FTO: variants seen among roughly 807,000 people sequenced by gnomAD.
FTO encodes FTO alpha-ketoglutarate dependent dioxygenase.
Under a neutral mutation model 63.9 loss-of-function variants are expected in FTO, and 47 were observed. That is an observed-to-expected ratio of 0.74 (90% CI 0.58 to 0.94). FTO has a LOEUF of 0.94. FTO is among the 40% of genes least tolerant of loss of function. FTO has a pLI of 0.00. For synonymous variants in FTO, 207 were observed against 224.4 expected (o/e 0.92, Z 0.69); for missense variants, 562 against 618.1 (o/e 0.91, Z 0.96).
intron 8 of FTO, among the ~76,000 whole-genome samples, chr16:53,947,539 G>A (rs1599058860): frequency 2.0e-5 from 3 of 150,228 alleles, no homozygotes; most frequent in Non-Finnish European, 2.9e-5. Context: ...TTTCTATCTT[G>A]CAAAAGCCCC....
intron 2 of FTO, among the ~76,000 whole-genome samples, chr16:53,813,566 A>G (rs1485892733): frequency 2.0e-5 from 3 of 152,114 alleles, no homozygotes; most frequent in African/African-American, 7.2e-5. Flanking sequence ...GTAAAAGTAA[A>G]CCTCTTCTCT....
At chr16:53,913,852 G>A (rs1030218014) in intron 7 of FTO, among the ~76,000 whole-genome samples, 3 of 152,100 alleles carry the variant, frequency 2.0e-5, no homozygotes, top group Non-Finnish European at 1.5e-5. Context: ...GGTGGCGCAT[G>A]CCTGTAATCC....
chr16:53,844,511 G>A (rs1774681559), intron 4 of FTO, among the ~76,000 whole-genome samples: 1 of 152,152 alleles, frequency 6.6e-6, no homozygotes, highest in Non-Finnish European at 1.5e-5. Flanking sequence ...CCAGGCTGGA[G>A]TGCAGTGGCA....
chr16:53,719,245 T>G (rs1274540435), intron 1 of FTO, among the ~76,000 whole-genome samples: 3 of 121,116 alleles, frequency 2.5e-5, no homozygotes, highest in Non-Finnish European at 5.2e-5. Context: ...CTTCTTTTTC[T>G]TCTTCTTCTT....
Position 53,967,388 on chromosome 16 carries a change from C to T in FTO, c.1364+33279C>T, listed in dbSNP as rs191398595. 3.9e-5 allele frequency among the ~76,000 whole-genome samples: 6 copies of T among 152,164 alleles called. No individual in the cohort carries two copies. The East Asian group carries it at 1.2e-3, about 29-fold the overall frequency. The stretch of plus-strand genomic sequence containing the variant: ...AGACTCTGAGAACAGGCTGTCTTCT[C>T]CACGGGAAGGGCATGTTAGATGGTG... On this transcript the variant is annotated intron_variant, in intron 8 of 8. Coordinates refer to ENST00000471389, the MANE Select transcript of FTO (RefSeq NM_001080432.3).
chr16:54,097,573 G>A (rs1409562709), intron 8 of FTO, among the ~76,000 whole-genome samples: 7 of 152,174 alleles, frequency 4.6e-5, no homozygotes, highest in Admixed American at 4.6e-4. Flanking sequence ...TCCCTGTTAA[G>A]GAGATACAAT....
intron 7 of FTO, among the ~76,000 whole-genome samples, chr16:53,890,034 G>GC (rs1375068096): frequency 6.6e-6 from 1 of 152,132 alleles, no homozygotes; most frequent in African/African-American, 2.4e-5. Context: ...AGGTGAGGGA[G>GC]CTGGAATCTG....
rs564002826 is a variant in FTO, at chr16:53,815,114, G to A, written c.123+4897G>A. Among the ~76,000 whole-genome samples, 9 of 151,484 alleles carry A rather than the reference G, an allele frequency of 5.9e-5. No homozygotes were observed. The East Asian group carries it at 1.2e-3, about 20-fold the overall frequency. ...GAGAGAGAGAGAGAGAGAGAGGCCC[G>A]GTTATACGAGAACTTATAGTCTGTA... is the stretch of plus-strand genomic sequence containing the variant. On this transcript the variant is annotated intron_variant, in intron 2 of 8. Coordinates refer to ENST00000471389, the MANE Select transcript of FTO (RefSeq NM_001080432.3).
At chr16:53,837,547 C>T (rs2079335208) in intron 3 of FTO, among the ~76,000 whole-genome samples, 3 of 152,068 alleles carry the variant, frequency 2.0e-5, no homozygotes, top group Non-Finnish European at 4.4e-5. Flanking sequence ...TCTAAATTCT[C>T]CATTTTTTCA....
At chr16:54,019,832 T>C (rs1214501924) in intron 8 of FTO, among the ~76,000 whole-genome samples, 2 of 152,182 alleles carry the variant, frequency 1.3e-5, no homozygotes, top group African/African-American at 4.8e-5. Context: ...CTCTTTCCAC[T>C]GCACAGCGTA....
intron 8 of FTO, among the ~76,000 whole-genome samples, chr16:54,079,384 A>G (rs2086084829): frequency 6.6e-6 from 1 of 152,252 alleles, no homozygotes. Context: ...AAGTGAAGCC[A>G]GGGCTGAAGC....
chr16:54,106,109 A>T (rs1326063096), intron 8 of FTO, among the ~76,000 whole-genome samples: 1 of 152,146 alleles, frequency 6.6e-6, no homozygotes, highest in East Asian at 1.9e-4. Flanking sequence ...CTGCTTGCAT[A>T]CCCATAATTA....
At chr16:53,902,034 G>A (rs1266762318) in intron 7 of FTO, among the ~76,000 whole-genome samples, 1 of 152,110 alleles carries the variant, frequency 6.6e-6, no homozygotes, top group South Asian at 2.1e-4. Flanking sequence ...GAGGGTCATT[G>A]CTCCCCTAGA....
chr16:53,981,136 G>A (rs1415989557), intron 8 of FTO: 2 of 152,030 alleles, frequency 1.3e-5, no homozygotes, highest in Non-Finnish European at 2.9e-5. Context: ...ACCAGCCTGG[G>A]CAGCATAGCA....
intron 7 of FTO, 46 bp downstream of exon 7, chr16:53,888,997 A>G (rs555264700): frequency 2.0e-5 from 32 of 1,605,004 alleles, no homozygotes; most frequent in Middle Eastern, 3.3e-4. Flanking sequence ...CTGCTGTGTT[A>G]TACAAATCCT....
chr16:53,986,176 A>G (rs946429879), intron 8 of FTO, among the ~76,000 whole-genome samples: 6 of 152,222 alleles, frequency 3.9e-5, no homozygotes, highest in African/African-American at 7.2e-5. Flanking sequence ...CATAAGTTCA[A>G]TCTTTTTCTC....
At chr16:53,711,354 G>C (rs2075771509) in intron 1 of FTO, 3 of 398,240 alleles carry the variant, frequency 7.5e-6, no homozygotes, top group African/African-American at 6.2e-5. Context: ...TGTGTTCTGT[G>C]GTTCAGATAA....
intron 3 of FTO, among the ~76,000 whole-genome samples, chr16:53,837,577 G>A (rs2079336884): frequency 6.6e-6 from 1 of 152,052 alleles, no homozygotes; most frequent in Non-Finnish European, 1.5e-5. Context: ...TTGCTCCGTG[G>A]CTGAGAAGGA....
intron 1 of FTO, among the ~76,000 whole-genome samples, chr16:53,739,731 TC>T (rs1215964856): frequency 2.6e-5 from 4 of 152,188 alleles, no homozygotes; most frequent in African/African-American, 9.6e-5. Context: ...TATGATTGTA[TC>T]TTTTTTGTCT....
Sources: allele counts gnomAD v4.1 joint callset (sites outside exome capture counted in the v4.1 genomes callset), GRCh38; gene constraint gnomAD v4.1.1; transcripts MANE v1.5; gene names NCBI Gene and HGNC (gene_info 2026-07-23, HGNC 2026-07-21).